The following KCNIP4 variants were observed in gnomAD, a reference collection of about 807,000 sequenced individuals.
KCNIP4 encodes Kv channel-interacting protein 4.
A neutral mutation model predicts 34.0 loss-of-function variants in KCNIP4; 12 were observed. The ratio of observed to expected loss-of-function variants is 0.35; its 90% CI spans 0.23 to 0.57. The LOEUF is 0.57. Ranked by LOEUF, KCNIP4 falls within the 20% of genes least tolerant of loss-of-function variation. The pLI, the probability that KCNIP4 is intolerant of heterozygous loss-of-function variation, is 0.83. For synonymous variants in KCNIP4, 124 were observed against 102.2 expected (o/e 1.21, Z -1.29); for missense variants, 238 against 311.7 (o/e 0.76, Z 1.78).
intron 1 of KCNIP4, among the ~76,000 whole-genome samples, chr4:21,790,834 G>A (rs1296855941): frequency 6.6e-6 from 1 of 151,918 alleles, no homozygotes; most frequent in Non-Finnish European, 1.5e-5. Flanking sequence ...ATAATTCCAA[G>A]TTAATGACAA....
At chr4:21,528,763 GAAA>G (rs1560490085) in intron 1 of KCNIP4, among the ~76,000 whole-genome samples, 11 of 10,006 alleles carry the variant, frequency 1.1e-3, no homozygotes, top group Admixed American at 2.4e-3. Context: ...AAGAAAGAAA[GAAA>G]GAAAGAAAGA....
intron 1 of KCNIP4, among the ~76,000 whole-genome samples, chr4:21,411,150 G>T (rs1013379913): frequency 6.6e-6 from 1 of 152,172 alleles, no homozygotes; most frequent in Non-Finnish European, 1.5e-5. Context: ...AGGAAGAGAG[G>T]TTCGATTTTA....
intron 1 of KCNIP4, among the ~76,000 whole-genome samples, chr4:21,417,954 G>C (rs1302749959): frequency 8.5e-5 from 13 of 152,150 alleles, no homozygotes; most frequent in Admixed American, 8.5e-4. Context: ...TAAAGGGAAT[G>C]CAGAAGCAAG....
chr4:20,773,328 A>G (rs1048997245), intron 3 of KCNIP4, among the ~76,000 whole-genome samples: 15 of 152,198 alleles, frequency 9.9e-5, no homozygotes, highest in Admixed American at 3.9e-4. Flanking sequence ...TTCAGAGGCT[A>G]TGAAGGGAAC....
At chr4:20,797,209 C>A (rs1228518523) in intron 3 of KCNIP4, among the ~76,000 whole-genome samples, 3 of 152,266 alleles carry the variant, frequency 2.0e-5, no homozygotes, top group Middle Eastern at 3.4e-3. Flanking sequence ...GCTATAGAAG[C>A]TATTTCAGAA....
chr4:21,557,952 T>C (rs1739210341), intron 1 of KCNIP4, among the ~76,000 whole-genome samples: 1 of 152,052 alleles, frequency 6.6e-6, no homozygotes, highest in Non-Finnish European at 1.5e-5. Context: ...TGAAGGGTGA[T>C]GGGAAGGGAA....
At chr4:21,176,113 G>C (rs1426126820) in intron 1 of KCNIP4, among the ~76,000 whole-genome samples, 2 of 152,204 alleles carry the variant, frequency 1.3e-5, no homozygotes. Context: ...ACAAGGTAAA[G>C]CTAAGATTTT....
intron 1 of KCNIP4, among the ~76,000 whole-genome samples, chr4:21,268,743 G>A (rs1038872817): frequency 1.3e-5 from 2 of 152,186 alleles, no homozygotes; most frequent in African/African-American, 4.8e-5. Flanking sequence ...AAACCCATGT[G>A]CTAAGGGTTT....
chr4:21,405,611 T>A (rs1442376484), intron 1 of KCNIP4, among the ~76,000 whole-genome samples: 2 of 152,158 alleles, frequency 1.3e-5, no homozygotes, highest in African/African-American at 2.4e-5. Flanking sequence ...TCCTGAGAAG[T>A]CAAAGAAATA....
chr4:21,242,127 G>T (rs998168011), intron 1 of KCNIP4, among the ~76,000 whole-genome samples: 1 of 130,978 alleles, frequency 7.6e-6, no homozygotes, highest in Non-Finnish European at 1.5e-5. Flanking sequence ...TTGCGCCACT[G>T]CACTCCATCC....
intron 1 of KCNIP4, among the ~76,000 whole-genome samples, chr4:21,318,625 G>A (rs375153739): frequency 1.3e-5 from 2 of 152,038 alleles, no homozygotes; most frequent in East Asian, 3.9e-4. Flanking sequence ...AAGCGAAAAC[G>A]ACACACTACT....
At chr4:21,632,996 G>A (rs111971503) in intron 1 of KCNIP4, among the ~76,000 whole-genome samples, 75 of 152,264 alleles carry the variant, frequency 4.9e-4, no homozygotes, top group African/African-American at 1.7e-3. Context: ...TAAACGGTAC[G>A]TTCTTCCAGC....
At chr4:20,804,697 G>T (rs1462670338) in intron 3 of KCNIP4, among the ~76,000 whole-genome samples, 8 of 152,120 alleles carry the variant, frequency 5.3e-5, no homozygotes, top group Admixed American at 5.2e-4. Flanking sequence ...ATACTAGGTT[G>T]CTAGTGTCAG....
At chr4:21,899,439 C>A (rs1727583149) in intron 1 of KCNIP4, among the ~76,000 whole-genome samples, 1 of 151,412 alleles carries the variant, frequency 6.6e-6, no homozygotes, top group African/African-American at 2.4e-5. Flanking sequence ...CTAGGTAGAG[C>A]AATTAGACAA....
intron 1 of KCNIP4, among the ~76,000 whole-genome samples, chr4:21,060,334 GATA>G (rs932185512): frequency 6.6e-6 from 1 of 151,596 alleles, no homozygotes; most frequent in Admixed American, 6.6e-5. Flanking sequence ...TTTTTCAGTA[GATA>G]ATATCTTGCG....
intron 1 of KCNIP4, among the ~76,000 whole-genome samples, chr4:21,914,539 C>T (rs894916159): frequency 2.6e-5 from 4 of 152,120 alleles, no homozygotes. Context: ...GTCTAAAATG[C>T]TTCCCCCAGG....
At chr4:20,825,580 G>A (rs1400657592) in intron 3 of KCNIP4, among the ~76,000 whole-genome samples, 4 of 152,146 alleles carry the variant, frequency 2.6e-5, no homozygotes, top group East Asian at 1.9e-4. Flanking sequence ...AGAACAGAAC[G>A]TTTAGTTTTG....
chr4:21,326,576 AT>A (rs975651342), intron 1 of KCNIP4, among the ~76,000 whole-genome samples: 10 of 147,358 alleles, frequency 6.8e-5, no homozygotes, highest in Non-Finnish European at 1.5e-4. Context: ...TGTTTATTTT[AT>A]TTTTTTTAAT....
intron 1 of KCNIP4, among the ~76,000 whole-genome samples, chr4:21,580,381 G>C (rs1277147715): frequency 6.6e-6 from 1 of 152,086 alleles, no homozygotes; most frequent in Non-Finnish European, 1.5e-5. Context: ...CTCTGGATAT[G>C]TCTTGTTTTA....
Sources: gnomAD v4.1 joint callset for allele counts (sites outside exome capture counted in the v4.1 genomes callset) on GRCh38, gnomAD v4.1.1 for gene constraint, MANE v1.5 for transcripts, NCBI Gene and HGNC (gene_info 2026-07-23, HGNC 2026-07-21) for gene names.